The following GPC6 variants were observed in gnomAD, a reference collection of about 807,000 sequenced individuals.
The protein encoded by GPC6 is glypican-6.
Under a neutral mutation model 55.2 loss-of-function variants are expected in GPC6, and 14 were observed. The observed-to-expected ratio is 0.25, with a 90% CI of 0.17 to 0.40. The LOEUF is 0.40. GPC6 is among the 10% of genes least tolerant of loss of function. The pLI, the probability that GPC6 is intolerant of heterozygous loss-of-function variation, is 1.00. For synonymous variants in GPC6, 278 were observed against 259.6 expected (o/e 1.07, Z -0.68); for missense variants, 641 against 708.5 (o/e 0.90, Z 1.08).
chr13:93,672,516 A>T (rs1394929831), intron 2 of GPC6, among the ~76,000 whole-genome samples: 1 of 151,638 alleles, frequency 6.6e-6, no homozygotes, highest in Admixed American at 6.6e-5. Flanking sequence ...TAAAAATTGG[A>T]TTTTTTTCTC....
At chr13:93,851,486 C>T (rs1186522254) in intron 3 of GPC6, among the ~76,000 whole-genome samples, 1 of 151,784 alleles carries the variant, frequency 6.6e-6, no homozygotes, top group Non-Finnish European at 1.5e-5. Flanking sequence ...GAAAAGTGAT[C>T]ACAAATGAAG....
intron 3 of GPC6, among the ~76,000 whole-genome samples, chr13:93,870,834 G>A (rs1889110825): frequency 6.6e-6 from 1 of 151,828 alleles, no homozygotes; most frequent in African/African-American, 2.4e-5. Flanking sequence ...TGCCCAGGCT[G>A]GTCTTGAACT....
At chr13:94,107,142 G>A (rs1441290951) in intron 4 of GPC6, among the ~76,000 whole-genome samples, 1 of 152,226 alleles carries the variant, frequency 6.6e-6, no homozygotes, top group East Asian at 1.9e-4. Context: ...CTCAGAGGAA[G>A]GGAAGCTGGT....
chr13:94,100,704 A>G (rs1458275599), intron 4 of GPC6, among the ~76,000 whole-genome samples: 3 of 152,200 alleles, frequency 2.0e-5, no homozygotes, highest in South Asian at 2.1e-4. Flanking sequence ...GTTTCCATCT[A>G]TCTCTGAATT....
At chr13:94,063,273 G>T (rs1045896777) in intron 4 of GPC6, among the ~76,000 whole-genome samples, 2 of 152,200 alleles carry the variant, frequency 1.3e-5, no homozygotes, top group African/African-American at 4.8e-5. Flanking sequence ...GCCTGAGGAA[G>T]TAGATTTTGC....
chr13:94,245,940 A>G (rs1465181085), intron 4 of GPC6, among the ~76,000 whole-genome samples: 1 of 152,096 alleles, frequency 6.6e-6, no homozygotes, highest in Non-Finnish European at 1.5e-5. Flanking sequence ...GAACCTCCAT[A>G]TTGTTTCCTA....
At chr13:93,905,250 C>CATAG (rs1291705067) in intron 3 of GPC6, among the ~76,000 whole-genome samples, 2 of 151,982 alleles carry the variant, frequency 1.3e-5, no homozygotes, top group African/African-American at 4.8e-5. Flanking sequence ...GGATTCAAAT[C>CATAG]ATAGCTTTGT....
intron 4 of GPC6, among the ~76,000 whole-genome samples, chr13:94,132,828 C>A (rs1887047983): frequency 6.6e-6 from 1 of 152,052 alleles, no homozygotes; most frequent in African/African-American, 2.4e-5. Context: ...AGGACCCAGC[C>A]CATGGATAGA....
chr13:94,176,133 T>C (rs1265582913), intron 4 of GPC6, among the ~76,000 whole-genome samples: 1 of 152,096 alleles, frequency 6.6e-6, no homozygotes, highest in Non-Finnish European at 1.5e-5. Flanking sequence ...CCAGTTAATA[T>C]TTCATTCCTA....
At chr13:94,208,343 G>A (rs1419142097) in intron 4 of GPC6, among the ~76,000 whole-genome samples, 1 of 152,058 alleles carries the variant, frequency 6.6e-6, no homozygotes, top group African/African-American at 2.4e-5. Flanking sequence ...AACTAAATAA[G>A]ACAAAGCATA....
intron 3 of GPC6, among the ~76,000 whole-genome samples, chr13:93,852,122 G>A (rs1888425001): frequency 6.6e-6 from 1 of 151,640 alleles, no homozygotes; most frequent in South Asian, 2.1e-4. Flanking sequence ...TAAACATGAT[G>A]ATACTAATTA....
At chr13:94,013,412 G>A (rs12864578) in intron 3 of GPC6, among the ~76,000 whole-genome samples, 33,302 of 151,954 alleles carry the variant, frequency 0.22, 4,634 homozygotes, top group Non-Finnish European at 0.32. Context: ...GTGCTATGGC[G>A]CGATCTCAGC....
chr13:94,367,119 T>C (rs1879320639), intron 6 of GPC6, among the ~76,000 whole-genome samples: 1 of 152,052 alleles, frequency 6.6e-6, no homozygotes, highest in Non-Finnish European at 1.5e-5. Context: ...TTAAATAGAG[T>C]CTAAATGAGC....
intron 1 of GPC6, among the ~76,000 whole-genome samples, chr13:93,267,311 ATAT>A (rs921053165): frequency 2.0e-5 from 3 of 151,812 alleles, no homozygotes; most frequent in Non-Finnish European, 2.9e-5. Context: ...TTCCAAAAAG[ATAT>A]GCACCAATGC....
intron 1 of GPC6, among the ~76,000 whole-genome samples, chr13:93,402,279 A>C (rs1221711648): frequency 2.0e-5 from 3 of 152,154 alleles, no homozygotes; most frequent in Non-Finnish European, 4.4e-5. Flanking sequence ...GCTTCTAATT[A>C]ATTCTCCAAG....
chr13:94,083,991 T>G (rs1224079568), intron 4 of GPC6, among the ~76,000 whole-genome samples: 2 of 152,174 alleles, frequency 1.3e-5, no homozygotes, highest in Non-Finnish European at 2.9e-5. Context: ...AACCATTTTA[T>G]CCAAACGAAA....
At chr13:93,934,926 G>A (rs1237237915) in intron 3 of GPC6, among the ~76,000 whole-genome samples, 1 of 152,122 alleles carries the variant, frequency 6.6e-6, no homozygotes, top group East Asian at 1.9e-4. Flanking sequence ...TGACCATAGT[G>A]TCTGACTTTG....
At chr13:93,591,664 AT>A in intron 2 of GPC6, among the ~76,000 whole-genome samples, 1 of 152,284 alleles carries the variant, frequency 6.6e-6, no homozygotes, top group Middle Eastern at 3.4e-3. Flanking sequence ...TAGAAAGTTA[AT>A]TCAGGACCTG....
intron 4 of GPC6, among the ~76,000 whole-genome samples, chr13:94,251,978 C>T (rs991997223): frequency 6.6e-6 from 1 of 152,102 alleles, no homozygotes; most frequent in Non-Finnish European, 1.5e-5. Flanking sequence ...CCTGGCCTGG[C>T]TGATGCATGC....
Sources: gnomAD v4.1 joint callset for allele counts (sites outside exome capture counted in the v4.1 genomes callset) on GRCh38, gnomAD v4.1.1 for gene constraint, MANE v1.5 for transcripts, NCBI Gene and HGNC (gene_info 2026-07-23, HGNC 2026-07-21) for gene names.